WWOX: variants seen among roughly 807,000 people sequenced by gnomAD.
WWOX encodes WW domain containing oxidoreductase.
WWOX carries 69 observed loss-of-function variants against 46.2 expected under a neutral mutation model. The ratio of observed to expected loss-of-function variants is 1.49; its 90% CI spans 1.23 to 1.82. The LOEUF (loss-of-function observed/expected upper bound fraction) is 1.82, where lower values mean the gene tolerates loss of function less well. Among genes scored for constraint, WWOX ranks in the 40% most tolerant of loss-of-function variants. The probability of loss-of-function intolerance (pLI) is 0.00; values close to 1 mark genes in which losing one functional copy is unlikely to be tolerated. For missense variants in WWOX, 919 were observed against 542.6 expected, an observed-to-expected ratio of 1.69 and a Z score of -6.89; for synonymous variants, 359 against 202.6, an observed-to-expected ratio of 1.77 and a Z score of -6.56.
chr16:78,598,422 A>G (rs116157866), intron 8 of WWOX, among the ~76,000 whole-genome samples: 2,510 of 152,256 alleles, frequency 0.016, 61 homozygotes, highest in African/African-American at 0.057. Context: ...ATAAGGTATT[A>G]TTAACTTCTT....
intron 4 of WWOX, among the ~76,000 whole-genome samples, chr16:78,133,122 G>T (rs35931521): frequency 1.5e-3 from 235 of 152,174 alleles, no homozygotes; most frequent in African/African-American, 5.5e-3. Flanking sequence ...TCTACATGCC[G>T]TGTATTACTG....
chr16:78,186,435 G>C (rs2035706849), intron 5 of WWOX, among the ~76,000 whole-genome samples: 1 of 152,262 alleles, frequency 6.6e-6, no homozygotes, highest in Admixed American at 6.5e-5. Context: ...CCTTTGACTT[G>C]TTGGAATTTT....
chr16:78,401,455 G>T (rs775195532), intron 6 of WWOX, among the ~76,000 whole-genome samples: 3 of 152,108 alleles, frequency 2.0e-5, no homozygotes, highest in Non-Finnish European at 4.4e-5. Context: ...CCCATCAATT[G>T]TCTAAAAAAA....
chr16:78,697,973 T>C (rs1248244298), intron 8 of WWOX, among the ~76,000 whole-genome samples: 2 of 152,208 alleles, frequency 1.3e-5, no homozygotes, highest in Non-Finnish European at 2.9e-5. Context: ...TCAAAACTCC[T>C]GTTAACAACT....
At chr16:78,621,989 A>G (rs2046201060) in intron 8 of WWOX, among the ~76,000 whole-genome samples, 1 of 152,054 alleles carries the variant, frequency 6.6e-6, no homozygotes, top group Non-Finnish European at 1.5e-5. Context: ...GTGCTCCTGG[A>G]TGTCCAATGT....
intron 8 of WWOX, among the ~76,000 whole-genome samples, chr16:78,941,355 T>C (rs886717600): frequency 5.9e-5 from 9 of 152,184 alleles, no homozygotes; most frequent in African/African-American, 2.2e-4. Flanking sequence ...TTTATCCAAG[T>C]TTCCCCGCCT....
intron 8 of WWOX, among the ~76,000 whole-genome samples, chr16:78,676,810 T>C (rs1181741017): frequency 6.6e-6 from 1 of 152,234 alleles, no homozygotes; most frequent in Non-Finnish European, 1.5e-5. Context: ...ACTGATGAAC[T>C]TTACCTTGAT....
At position 78,688,726 on chromosome 16, in the gene WWOX, G is replaced by A. The variant is rs1352413610; in HGVS notation, c.1056+255974G>A. ...GGGAGAGTGCTCCTGGCATCTGGTG[G>A]GTAGGGGTTAGTGATAGGGTTCGGC... On this transcript the variant is annotated intron_variant, in intron 8 of 8. Coordinates refer to ENST00000566780, the MANE Select transcript of WWOX (RefSeq NM_016373.4). Among the ~76,000 whole-genome samples, 4 of 152,088 alleles carry A rather than the reference G, an allele frequency of 2.6e-5. 1 individual carries two copies. The highest frequency in any genetic ancestry group is 5.9e-5 in the Non-Finnish European group (4 of 68,028).
chr16:78,398,239 C>T (rs1046111927), intron 6 of WWOX, among the ~76,000 whole-genome samples: 1 of 152,158 alleles, frequency 6.6e-6, no homozygotes, highest in Non-Finnish European at 1.5e-5. Context: ...CCTGCTGTGG[C>T]CCACCCAGGC....
intron 6 of WWOX, among the ~76,000 whole-genome samples, chr16:78,397,874 T>C (rs2082324310): frequency 6.6e-6 from 1 of 152,172 alleles, no homozygotes; most frequent in Non-Finnish European, 1.5e-5. Flanking sequence ...CTGGAATATG[T>C]GTAAAGGAGG....
intron 5 of WWOX, among the ~76,000 whole-genome samples, chr16:78,287,694 C>T (rs1023015449): frequency 6.6e-6 from 1 of 152,122 alleles, no homozygotes; most frequent in Non-Finnish European, 1.5e-5. Context: ...GCCAAAACGG[C>T]CATCTCCTCT....
intron 4 of WWOX, among the ~76,000 whole-genome samples, chr16:78,152,691 C>A (rs1020978934): frequency 2.8e-4 from 43 of 152,192 alleles, no homozygotes; most frequent in Non-Finnish European, 5.0e-4. Context: ...TAAATGAGAA[C>A]TTATTCACCC....
chr16:78,892,547 G>T (rs115198507), intron 8 of WWOX, among the ~76,000 whole-genome samples: 302 of 152,332 alleles, frequency 2.0e-3, no homozygotes, highest in African/African-American at 6.6e-3. Flanking sequence ...CAACATTCTT[G>T]TTCAGAGCGT....
At chr16:78,171,820 C>A (rs893046269) in intron 5 of WWOX, among the ~76,000 whole-genome samples, 3 of 152,134 alleles carry the variant, frequency 2.0e-5, no homozygotes, top group Non-Finnish European at 2.9e-5. Flanking sequence ...TTGCTCAAGT[C>A]AATAAGCGCA....
intron 8 of WWOX, among the ~76,000 whole-genome samples, chr16:78,824,469 G>A (rs997086180): frequency 6.6e-6 from 1 of 152,132 alleles, no homozygotes; most frequent in Non-Finnish European, 1.5e-5. Context: ...GTGCTGGGGA[G>A]AAACAAGCAA....
At chr16:78,593,831 C>G (rs960409853) in intron 8 of WWOX, among the ~76,000 whole-genome samples, 10 of 151,972 alleles carry the variant, frequency 6.6e-5, no homozygotes, top group Non-Finnish European at 1.2e-4. Flanking sequence ...AAGCTGAGGA[C>G]ATACGAGGAG....
chr16:78,470,048 G>A (rs2247099), intron 8 of WWOX, among the ~76,000 whole-genome samples: 58,384 of 152,124 alleles, frequency 0.38, 13,818 homozygotes, highest in African/African-American at 0.68. Flanking sequence ...TCTTGTTTAT[G>A]TAAGATCCAT....
intron 8 of WWOX, among the ~76,000 whole-genome samples, chr16:78,540,020 T>TCTCACA (rs369075883): frequency 0.011 from 1,428 of 132,828 alleles, 12 homozygotes; most frequent in East Asian, 0.015. Context: ...TCTCTCTCTC[T>TCTCACA]CACACACACA....
intron 8 of WWOX, among the ~76,000 whole-genome samples, chr16:78,625,846 G>A (rs560153826): frequency 9.6e-5 from 14 of 145,898 alleles, no homozygotes; most frequent in African/African-American, 3.0e-4. Flanking sequence ...GGTTTTTGCC[G>A]TTACTTAAAA....
Sources: allele counts gnomAD v4.1 joint callset (sites outside exome capture counted in the v4.1 genomes callset), GRCh38; gene constraint gnomAD v4.1.1; transcripts MANE v1.5; gene names NCBI Gene and HGNC (gene_info 2026-07-23, HGNC 2026-07-21).